The following DAB2IP variants were observed in gnomAD, a reference collection of about 807,000 sequenced individuals.
DAB2IP encodes DAB2 interacting protein.
A neutral mutation model predicts 107.2 loss-of-function variants in DAB2IP; 28 were observed. That is an observed-to-expected ratio of 0.26 (90% CI 0.19 to 0.36). The LOEUF (loss-of-function observed/expected upper bound fraction) is 0.36, where lower values mean the gene tolerates loss of function less well. Among genes scored for constraint, DAB2IP ranks in the 10% least tolerant of loss-of-function variants. The pLI is 1.00. For missense variants in DAB2IP, 1,400 were observed against 1,644.7 expected (o/e 0.85, Z 2.57); for synonymous variants, 755 against 706.4 (o/e 1.07, Z -1.09).
intron 1 of DAB2IP, among the ~76,000 whole-genome samples, chr9:121,611,028 G>A (rs547305785): frequency 1.3e-5 from 2 of 152,178 alleles, no homozygotes; most frequent in East Asian, 1.9e-4. Context: ...CCATGCTGGA[G>A]TGAGTGGTGC....
chr9:121,582,795 C>T (rs566695584), intron 1 of DAB2IP, among the ~76,000 whole-genome samples: 5 of 152,358 alleles, frequency 3.3e-5, no homozygotes, highest in African/African-American at 1.2e-4. Flanking sequence ...ACCCCCGAAA[C>T]GGGACAAACT....
intron 3 of DAB2IP, among the ~76,000 whole-genome samples, chr9:121,740,903 G>A (rs541960729): frequency 4.6e-5 from 7 of 152,178 alleles, no homozygotes; most frequent in Non-Finnish European, 8.8e-5. Flanking sequence ...GATTTGTCCA[G>A]GGTTCCACAG....
Position 121,634,219 on chromosome 9 carries a change from C to G in DAB2IP, c.41-44459C>G, listed in dbSNP as rs1362689366. ...TCCCCTATGCACCCCGGGGTAGGAGCTGAATGGCCTGGCTTCCCAATGACA... is the reference window on the plus strand; with the variant it reads ...TCCCCTATGCACCCCGGGGTAGGAGGTGAATGGCCTGGCTTCCCAATGACA... On this transcript the variant is annotated intron_variant, in intron 1 of 16. Coordinates refer to the DAB2IP transcript ENST00000259371. The surrounding 1 kb of genome is among the most constrained non-coding windows in gnomAD (Gnocchi z 4.7). Among the ~76,000 whole-genome samples the G allele has an allele frequency of 6.6e-6, 1 of 152,150 alleles. No homozygotes were observed. Among genetic ancestry groups the G allele is most frequent in the Non-Finnish European group, 1.5e-5 (1 of 68,022 alleles).
At chr9:121,741,368 A>G (rs533719877) in intron 3 of DAB2IP, among the ~76,000 whole-genome samples, 1 of 152,288 alleles carries the variant, frequency 6.6e-6, no homozygotes, top group South Asian at 2.1e-4. Context: ...AGACAAACCC[A>G]GAGAGGTCTG....
At chr9:121,594,677 A>G (rs914024703) in intron 1 of DAB2IP, among the ~76,000 whole-genome samples, 1 of 152,120 alleles carries the variant, frequency 6.6e-6, no homozygotes, top group Non-Finnish European at 1.5e-5. Flanking sequence ...CCTTTTCTTC[A>G]TTCAATAAAC....
intron 3 of DAB2IP, chr9:121,737,710 A>AC (rs1281580106): frequency 1.0e-6 from 1 of 985,332 alleles, no homozygotes; most frequent in Non-Finnish European, 1.2e-6. Flanking sequence ...CGCTCCCACC[A>AC]CAAAGGTCTG....
chr9:121,699,173 C>G lies in DAB2IP; in HGVS notation c.229-152C>G, dbSNP rs1281871446. 1.0e-5 allele frequency: 9 copies of G among 887,272 alleles called. No homozygotes were observed. Among genetic ancestry groups the G allele is most frequent in the Non-Finnish European group, 1.2e-5 (9 of 744,140 alleles). 55.0% of individuals were successfully genotyped at this position (887,272 alleles called of 1,614,324 possible). Reference sequence around the variant, plus strand: ...CGGCGCTCGGTCGGCGGGCGGGCGGCGCGGGCCGCGAGCTGCTGGGGCCGA... The same window carrying G: ...CGGCGCTCGGTCGGCGGGCGGGCGGGGCGGGCCGCGAGCTGCTGGGGCCGA... On this transcript the variant is annotated intron_variant, in intron 2 of 15. Transcript: ENST00000408936. This position sits in a 1 kb window ranked among gnomAD's most constrained non-coding sequence, Gnocchi z 6.2.
intron 3 of DAB2IP, among the ~76,000 whole-genome samples, chr9:121,709,103 C>G (rs1830202443): frequency 6.6e-6 from 1 of 152,190 alleles, no homozygotes; most frequent in Non-Finnish European, 1.5e-5. Context: ...GGTCCAAGGC[C>G]CAGCTCCACC....
chr9:121,763,210 G>A (rs887816764), intron 6 of DAB2IP, among the ~76,000 whole-genome samples: 2 of 152,116 alleles, frequency 1.3e-5, no homozygotes, highest in African/African-American at 4.8e-5. Context: ...TCCATTCTCT[G>A]TGGTGGTGGG....
At chr9:121,723,665 A>G (rs1831066843) in intron 3 of DAB2IP, among the ~76,000 whole-genome samples, 1 of 152,230 alleles carries the variant, frequency 6.6e-6, no homozygotes, top group African/African-American at 2.4e-5. Flanking sequence ...CATCTGTGCA[A>G]TGCAGACACT....
intron 1 of DAB2IP, among the ~76,000 whole-genome samples, chr9:121,637,550 A>G: frequency 6.6e-6 from 1 of 152,182 alleles, no homozygotes; most frequent in East Asian, 1.9e-4. Flanking sequence ...GAGACGTCTC[A>G]GCCAATGGTC....
rs567683669 is a variant in DAB2IP, at chr9:121,644,337, C to T, written c.41-34341C>T. On this transcript the variant is annotated intron_variant, in intron 1 of 16. Transcript: ENST00000259371. ...AAAGGCTGGGCGCAGTGGCTCATGC[C>T]TGTAATCCCAGCACTTGGGGAGGCT... is the stretch of plus-strand genomic sequence containing the variant. Among the ~76,000 whole-genome samples the T allele has an allele frequency of 8.5e-5, 13 of 152,304 alleles. No individual in the cohort carries two copies. In the South Asian group the frequency reaches 2.5e-3, roughly 29 times the overall value.
At chr9:121,713,115 G>A (rs534009861) in intron 3 of DAB2IP, among the ~76,000 whole-genome samples, 2 of 152,348 alleles carry the variant, frequency 1.3e-5, no homozygotes, top group Admixed American at 1.3e-4. Flanking sequence ...AGCTAGGAAG[G>A]TGGCAGGGCA....
At chr9:121,601,693 T>G (rs1000287447) in intron 1 of DAB2IP, among the ~76,000 whole-genome samples, 15 of 152,142 alleles carry the variant, frequency 9.9e-5, no homozygotes, top group Admixed American at 9.8e-4. Flanking sequence ...CTTGCACCCA[T>G]AAAACAAACC....
rs144994073 is a variant in DAB2IP, at chr9:121,604,510, C to T, written c.40+37282C>T. 1.4e-3 allele frequency among the ~76,000 whole-genome samples: 207 copies of T among 152,342 alleles called. 1 individual carries two copies. Among genetic ancestry groups the T allele is most frequent in the African/African-American group, 4.7e-3 (194 of 41,582 alleles). Reference sequence around the variant, plus strand: ...GGCCCCATGTCTGGCTCCAGTTTTCCTCCCTGCCTCTTCTTTCTCTGCTCT... The same window carrying T: ...GGCCCCATGTCTGGCTCCAGTTTTCTTCCCTGCCTCTTCTTTCTCTGCTCT... On this transcript the variant is annotated intron_variant, in intron 1 of 16. Coordinates refer to the DAB2IP transcript ENST00000259371.
intron 1 of DAB2IP, among the ~76,000 whole-genome samples, chr9:121,617,467 C>G (rs1008453443): frequency 6.6e-6 from 1 of 152,198 alleles, no homozygotes; most frequent in African/African-American, 2.4e-5. Flanking sequence ...TCCTCAGGCT[C>G]TCTCATCTCA....
At chr9:121,649,595 C>G (rs893430590), upstream of DAB2IP, among the ~76,000 whole-genome samples, 2 of 152,174 alleles carry the variant, frequency 1.3e-5, no homozygotes, top group Admixed American at 1.3e-4. Context: ...GGACCGTTGC[C>G]CCCGTCCTGA....
chr9:121,649,272 C>T (rs1832654763), upstream of DAB2IP, among the ~76,000 whole-genome samples: 1 of 144,780 alleles, frequency 6.9e-6, no homozygotes, highest in East Asian at 2.2e-4. Flanking sequence ...TACGTTCTCC[C>T]TATAGGTAGG....
intron 1 of DAB2IP, among the ~76,000 whole-genome samples, chr9:121,636,139 C>A (rs1832079786): frequency 6.6e-6 from 1 of 152,092 alleles, no homozygotes; most frequent in Non-Finnish European, 1.5e-5. Flanking sequence ...AGTTCCTGAG[C>A]TCAGGCAAAC....
Sources: gnomAD v4.1 joint callset for allele counts (sites outside exome capture counted in the v4.1 genomes callset) on GRCh38, gnomAD v4.1.1 for gene constraint, Gnocchi (gnomAD v3.1) non-coding constraint, MANE v1.5 for transcripts, NCBI Gene and HGNC (gene_info 2026-07-23, HGNC 2026-07-21) for gene names.